Variants in EXOC3 observed in about 807,000 individuals in gnomAD.
The protein encoded by EXOC3 is SEC6-like 1.
In EXOC3, 21 loss-of-function variants were observed where a neutral mutation model predicts 73.7. The ratio of observed to expected loss-of-function variants is 0.29; its 90% CI spans 0.20 to 0.41. EXOC3 has a LOEUF of 0.41. Among genes scored for constraint, EXOC3 ranks in the 10% least tolerant of loss-of-function variants. The probability of loss-of-function intolerance (pLI) is 1.00; values close to 1 mark genes in which losing one functional copy is unlikely to be tolerated. For synonymous variants in EXOC3, 410 were observed against 389.1 expected, an observed-to-expected ratio of 1.05 and a Z score of -0.63; for missense variants, 842 against 985.1, an observed-to-expected ratio of 0.85 and a Z score of 1.95.
chr5:459,828 T>C (rs7728027), intron 7 of EXOC3, among the ~76,000 whole-genome samples: 85,606 of 152,228 alleles, frequency 0.56, 25,123 homozygotes, highest in African/African-American at 0.75. Context: ...CGTCCTCGGC[T>C]GAGCCGGCCC....
At chr5:443,742 C>T (rs1476355774) in intron 1 of EXOC3, among the ~76,000 whole-genome samples, 1 of 150,834 alleles carries the variant, frequency 6.6e-6, no homozygotes, top group Non-Finnish European at 1.5e-5. Flanking sequence ...CAAGTGTCCC[C>T]TCAAGCACAG....
rs780741777 is a variant in EXOC3, at chr5:446,292, G to A, written c.87G>A (p.Val29=). 11 of 1,613,796 alleles carry A rather than the reference G, an allele frequency of 6.8e-6. No homozygotes were observed. Among genetic ancestry groups the A allele is most frequent in the Non-Finnish European group, 9.3e-6 (11 of 1,179,846 alleles). Residue 29 remains valine (V), a synonymous_variant, in exon 2 of 13, where the codon GTG becomes GTA. Transcript: ENST00000512944. ...AGCGCCCGGACCAGCTGGACAAGGT[G>A]GAGCAGTATCGCAGGAGAGAAGCGC... ...MLQRPDQLDK[V]EQYRRREARK... is the part of the protein sequence containing the mutation.
chr5:457,014 G>A lies in EXOC3; in HGVS notation c.1164+8G>A, dbSNP rs528114961. The A allele has an allele frequency of 1.9e-6, 3 of 1,599,280 alleles. No homozygotes were observed. Among genetic ancestry groups the A allele is most frequent in the Admixed American group, 1.7e-5 (1 of 59,902 alleles). ...TACATGTCCACGCTCACTGTGAGTA[G>A]GGCTGGCCTGCGTGCCACAGACCAC... is the stretch of plus-strand genomic sequence containing the variant. On this transcript the variant is annotated splice_region_variant and intron_variant, in intron 5 of 12. Transcript: ENST00000512944.
rs773259161 is a variant in EXOC3 at position 456,988 on chromosome 5, G to C, written c.1146G>C (p.Thr382=). The C allele has an allele frequency of 6.2e-7, 1 of 1,613,262 alleles. No individual in the cohort carries two copies. The highest frequency in any genetic ancestry group is 2.2e-5 in the East Asian group (1 of 44,896). The part of the protein sequence containing the change: ...SPHVVSELLD[T]YMSTLTSNII... ...ACGTGGTCTCTGAGCTGCTTGACAC[G>C]TACATGTCCACGCTCACTGTGAGTA... Residue 382 remains threonine, a synonymous_variant, in exon 5 of 13, where the codon ACG becomes ACC. Transcript: ENST00000512944.
At chr5:454,112 G>A (rs780483846) in intron 4 of EXOC3, 61 bp downstream of exon 4, 1 of 1,384,962 alleles carries the variant, frequency 7.2e-7, no homozygotes, top group South Asian at 1.4e-5. Context: ...AGAGGGGCCT[G>A]CAGCTGCTTG....
Position 465,739 on chromosome 5 carries a change from G to A in EXOC3, c.1960G>A (p.Gly654Arg), listed in dbSNP as rs1344152211. The change falls in exon 12 of 13, where the codon GGA becomes AGA. Residue 654 changes from glycine (G) to arginine (R), a missense_variant. Coordinates refer to ENST00000512944, the MANE Select transcript of EXOC3 (RefSeq NM_007277.5). ...LASGFGEDVD[G>R]YCDTIVAVAE... is the part of the protein sequence containing the mutation. ...CCAGGGTTTCGGGGAAGACGTGGAC[G>A]GATACTGCGACACCATCGTGGCTGT... 1 of 1,613,916 alleles carries A rather than the reference G, an allele frequency of 6.2e-7. No individual in the cohort carries two copies. Among genetic ancestry groups the A allele is most frequent in the Non-Finnish European group, 8.5e-7 (1 of 1,179,864 alleles).
At chr5:443,462 A>AGTGTCCTCGGCGCAG (rs1197290089) in intron 1 of EXOC3, among the ~76,000 whole-genome samples, 172 bp downstream of exon 1, 1 of 152,156 alleles carries the variant, frequency 6.6e-6, no homozygotes, top group Non-Finnish European at 1.5e-5. Context: ...CGCTCGTGCG[A>AGTGTCCTCGGCGCAG]GTGTCCTCGG....
chr5:452,109 C>T (rs545621784), intron 3 of EXOC3, among the ~76,000 whole-genome samples: 2 of 152,310 alleles, frequency 1.3e-5, no homozygotes, highest in African/African-American at 4.8e-5. Flanking sequence ...ATTATTTCTT[C>T]AAATAATGTC....
chr5:456,822 G>A lies in EXOC3; in HGVS notation c.1047-67G>A, dbSNP rs943423221. On this transcript the variant is annotated intron_variant, in intron 4 of 12. Coordinates refer to ENST00000512944, the MANE Select transcript of EXOC3 (RefSeq NM_007277.5). ...TTCATGTGTCAAGTGAAACAGTCTC[G>A]GCACACTTGGGCATGCTCTTCTGTG... is the stretch of plus-strand genomic sequence containing the variant. 6.5e-5 allele frequency: 79 copies of A among 1,215,414 alleles called. No homozygotes were observed. In the Middle Eastern group the frequency reaches 1.5e-3, roughly 23 times the overall value. The allele number at this position is 1,215,414 out of a possible 1,614,324, so 75.3% of individuals were successfully genotyped here.
chr5:459,438 A>G lies in EXOC3; in HGVS notation c.1370A>G (p.Gln457Arg). Reference protein sequence around the residue: ...KTKVLVLCLQQMNSFLSRYKD... With the variant: ...KTKVLVLCLQRMNSFLSRYKD... ...AAGGTACTAGTTTTATGTCTTCAGC[A>G]GATGAATTCTTTCCTAAGCAGGTAT... Residue 457 changes from glutamine (Q) to arginine (R), a missense_variant, in exon 7 of 13, where the codon CAG becomes CGG. By Grantham distance (43) the Gln-to-Arg change is conservative. Coordinates refer to ENST00000512944, the MANE Select transcript of EXOC3 (RefSeq NM_007277.5). The G allele has an allele frequency of 6.5e-7, 1 of 1,550,332 alleles. No individual in the cohort carries two copies. Among genetic ancestry groups the G allele is most frequent in the Non-Finnish European group, 8.8e-7 (1 of 1,136,746 alleles).
chr5:449,728 G>A (rs534939991), intron 3 of EXOC3, among the ~76,000 whole-genome samples: 8 of 152,304 alleles, frequency 5.3e-5, no homozygotes, highest in African/African-American at 1.9e-4. Flanking sequence ...CCACGTTTTA[G>A]CTATTGTGAA....
intron 10 of EXOC3, 72 bp downstream of exon 10, chr5:464,484 G>C: frequency 2.0e-6 from 3 of 1,533,680 alleles, no homozygotes; most frequent in Non-Finnish European, 2.7e-6. Flanking sequence ...TCAGAATTCA[G>C]CATCCAGCGA....
chr5:454,959 CAGA>C (rs1201069604), intron 4 of EXOC3, among the ~76,000 whole-genome samples: 2 of 144,542 alleles, frequency 1.4e-5, no homozygotes, highest in Non-Finnish European at 3.0e-5. Context: ...CATTTCAATA[CAGA>C]AGGACAGAAG....
At chr5:465,081 G>A in intron 10 of EXOC3, 30 bp from the exon 11 acceptor site, 1 of 1,524,180 alleles carries the variant, frequency 6.6e-7, no homozygotes, top group Non-Finnish European at 8.8e-7. Context: ...GAGCCGTGGA[G>A]CCTGCCGCTG....
At chr5:461,285 A>G (rs534529265) in intron 7 of EXOC3, among the ~76,000 whole-genome samples, 33 of 152,274 alleles carry the variant, frequency 2.2e-4, no homozygotes, top group African/African-American at 7.9e-4. Flanking sequence ...TTTTTTACCA[A>G]CTCCTCAAAA....
intron 5 of EXOC3, 67 bp from the exon 6 acceptor site, chr5:457,833 A>T (rs1737865463): frequency 1.3e-6 from 2 of 1,519,508 alleles, no homozygotes; most frequent in Admixed American, 3.9e-5. Context: ...CTGACCAGGT[A>T]ATTGGCATGA....
Position 464,352 on chromosome 5 carries a change from C to T in EXOC3, c.1716C>T (p.Ile572=). 6.2e-7 allele frequency: 1 copy of T among 1,613,584 alleles called. No individual in the cohort carries two copies. Among genetic ancestry groups the T allele is most frequent in the African/African-American group, 1.3e-5 (1 of 75,052 alleles). Residue 572 remains isoleucine, a synonymous_variant, in exon 10 of 13, where the codon ATC becomes ATT. Transcript: ENST00000512944. The part of the protein sequence containing the change: ...WLLGSNAVDI[I]CVTVEDYFND... ...TAGGGTCAAACGCTGTAGACATTAT[C>T]TGTGTCACCGTGGAAGACTATTTCA... is the stretch of plus-strand genomic sequence containing the variant.
chr5:466,027 C>T, intron 12 of EXOC3, 182 bp downstream of exon 12: 2 of 601,514 alleles, frequency 3.3e-6, no homozygotes, highest in Non-Finnish European at 5.6e-6. Context: ...GTGCTGCCTT[C>T]CACCTGGCCT....
intron 2 of EXOC3, among the ~76,000 whole-genome samples, chr5:446,623 C>T (rs1010243402): frequency 2.6e-5 from 4 of 152,110 alleles, no homozygotes; most frequent in African/African-American, 7.2e-5. Flanking sequence ...TCGGGGAGGC[C>T]GAGGCAGGCG....
Sources: gnomAD v4.1 joint callset for allele counts (sites outside exome capture counted in the v4.1 genomes callset) on GRCh38, gnomAD v4.1.1 for gene constraint, MANE v1.5 for transcripts, NCBI Gene and HGNC (gene_info 2026-07-23, HGNC 2026-07-21) for gene names.